The following SEMA4A variants were observed in gnomAD, a reference collection of about 807,000 sequenced individuals.
SEMA4A encodes semaphorin 4A.
A neutral mutation model predicts 72.5 loss-of-function variants in SEMA4A; 52 were observed. That is an observed-to-expected ratio of 0.72 (90% confidence interval 0.57 to 0.90). The LOEUF is 0.90. Among genes scored for constraint, SEMA4A ranks in the 40% least tolerant of loss-of-function variants. The pLI is 0.00. For missense variants in SEMA4A, 926 were observed against 959.7 expected, an observed-to-expected ratio of 0.96 and a Z score of 0.46; for synonymous variants, 369 against 393.1, an observed-to-expected ratio of 0.94 and a Z score of 0.73.
rs1372177916 is a variant in SEMA4A at position 156,175,584 on chromosome 1, G to C, written c.1621G>C (p.Gly541Arg). ...CTCCTGGAAGCAGGACATGGAGCGGGGGAACCCAGAGTGGGCATGTGCCAG... is the reference window on the plus strand; with the variant it reads ...CTCCTGGAAGCAGGACATGGAGCGGCGGAACCCAGAGTGGGCATGTGCCAG... ...LNSWKQDMER[G>R]NPEWACASGP... Residue 541 changes from glycine to arginine, a missense_variant, in exon 14 of 15, where the codon GGG (glycine) becomes CGG (arginine). Physicochemically the swap from Gly to Arg is moderately radical, Grantham distance 125 (BLOSUM62 -2). Transcript: ENST00000368285. 1 of 1,613,584 alleles carries C rather than the reference G, an allele frequency of 6.2e-7. No homozygotes were observed. Among genetic ancestry groups the C allele is most frequent in the Non-Finnish European group, 8.5e-7 (1 of 1,179,840 alleles).
chr1:156,176,324 C>T, intron 14 of SEMA4A, 81 bp from the exon 15 acceptor site: 1 of 1,097,718 alleles, frequency 9.1e-7, no homozygotes, highest in Non-Finnish European at 1.3e-6. Flanking sequence ...GGGCTGGGGT[C>T]CAAAGATAGG....
At position 156,157,632 on chromosome 1, in the gene SEMA4A, G is replaced by C. The variant is rs1653163448; in HGVS notation, c.301-438G>C. Among the ~76,000 whole-genome samples, 1 of 152,194 alleles carries C rather than the reference G, an allele frequency of 6.6e-6. No individual in the cohort carries two copies. The highest frequency in any genetic ancestry group is 2.4e-5 in the African/African-American group (1 of 41,442). ...GACCACCTGCACATATGAGATGCTGGTTAAAAATGCAGATTCTCTAAGGCG... is the reference window on the plus strand; with the variant it reads ...GACCACCTGCACATATGAGATGCTGCTTAAAAATGCAGATTCTCTAAGGCG... On this transcript the variant is annotated intron_variant, in intron 3 of 14. Coordinates refer to ENST00000368285, the MANE Select transcript of SEMA4A (RefSeq NM_022367.4). This position sits in a 1 kb window ranked among gnomAD's most constrained non-coding sequence, Gnocchi z 4.5.
At chr1:156,150,280 G>A (rs763854018), upstream of SEMA4A, 6 of 152,804 alleles carry the variant, frequency 3.9e-5, no homozygotes, top group Non-Finnish European at 8.8e-5. Flanking sequence ...GGTTAGGAGG[G>A]ACTGAGCTGG....
At chr1:156,162,443 G>C (rs533225724) in intron 9 of SEMA4A, among the ~76,000 whole-genome samples, 15 of 152,300 alleles carry the variant, frequency 9.8e-5, no homozygotes, top group African/African-American at 3.4e-4. Context: ...TTGAGAGCCT[G>C]GTGTATACAG....
In SEMA4A at chr1:156,161,040, T is replaced by C. The variant is rs774800366; in HGVS notation, c.810+11T>C. The C allele has an allele frequency of 9.2e-6, 9 of 976,988 alleles. No homozygotes were observed. Among genetic ancestry groups the C allele is most frequent in the Non-Finnish European group, 1.3e-5 (9 of 671,694 alleles). 60.5% of individuals were successfully genotyped at this position (976,988 alleles called of 1,614,324 possible). A position where few individuals can be genotyped will look rare whatever the true frequency, so the allele number is the denominator to read the frequency against. ...GCTAGAGTCTGCAAGGTCCGCGGCCTGGGCGGGGGGCGGGGCTAACTGGAG... is the reference window on the plus strand; with the variant it reads ...GCTAGAGTCTGCAAGGTCCGCGGCCCGGGCGGGGGGCGGGGCTAACTGGAG... On this transcript the variant is annotated intron_variant, in intron 8 of 14. Coordinates refer to ENST00000368285, the MANE Select transcript of SEMA4A (RefSeq NM_022367.4).
chr1:156,174,067 T>C (rs1020241063), intron 11 of SEMA4A, among the ~76,000 whole-genome samples: 1 of 151,786 alleles, frequency 6.6e-6, no homozygotes, highest in African/African-American at 2.4e-5. Context: ...GCCAAAATTG[T>C]GCCACTGCCC....
chr1:156,166,176 G>A (rs978891284), intron 10 of SEMA4A, among the ~76,000 whole-genome samples: 2 of 151,970 alleles, frequency 1.3e-5, no homozygotes, highest in Non-Finnish European at 2.9e-5. Flanking sequence ...CAAAGTGCTG[G>A]GATTACAGGT....
intron 14 of SEMA4A, 108 bp from the exon 15 acceptor site, chr1:156,176,297 A>T (rs80168763): frequency 6.0e-6 from 2 of 331,774 alleles, no homozygotes; most frequent in Non-Finnish European, 9.6e-6. Flanking sequence ...ACCTGCCTCA[A>T]AAAAAAAAAA....
At position 156,156,312 on chromosome 1, in the gene SEMA4A, A is replaced by G. The variant is rs552503839; in HGVS notation, c.140-102A>G. 5.6e-5 allele frequency: 61 copies of G among 1,083,334 alleles called. No homozygotes were observed. The African/African-American group carries it at 9.1e-4, about 16-fold the overall frequency. The allele number at this position is 1,083,334 out of a possible 1,614,324, so 67.1% of individuals were successfully genotyped here. A position where few individuals can be genotyped will look rare whatever the true frequency, so the allele number is the denominator to read the frequency against. ...TGCATCTAGCTGCCAAGGCCTGGGG[A>G]GCACACTCAGGCAACCCTTCCCCTT... is the stretch of plus-strand genomic sequence containing the variant. On this transcript the variant is annotated intron_variant, in intron 2 of 14. Coordinates refer to ENST00000368285, the MANE Select transcript of SEMA4A (RefSeq NM_022367.4).
chr1:156,158,473 C>T lies in SEMA4A; in HGVS notation c.449C>T (p.Ala150Val). 6.2e-7 allele frequency: 1 copy of T among 1,612,672 alleles called. No homozygotes were observed. The highest frequency in any genetic ancestry group is 1.1e-5 in the South Asian group (1 of 91,054). The change falls in exon 5 of 15, where the codon GCT (alanine) becomes GTT (valine). Residue 150 changes from alanine to valine, a missense_variant. By Grantham distance (64) the Ala-to-Val change is moderately conservative (BLOSUM62 0). Transcript: ENST00000368285. ...YTCGTFAFSP[A>V]CTFIELQDSY... Reference sequence around the variant, plus strand: ...TGCGGCACCTTCGCCTTCAGCCCTGCTTGTACCTTCATTGTGAGTTCTCTG... The same window carrying T: ...TGCGGCACCTTCGCCTTCAGCCCTGTTTGTACCTTCATTGTGAGTTCTCTG...
chr1:156,176,253 G>T, intron 14 of SEMA4A, 152 bp from the exon 15 acceptor site: 1 of 648,602 alleles, frequency 1.5e-6, no homozygotes, highest in Non-Finnish European at 2.7e-6. Flanking sequence ...CTGAGGTTGT[G>T]CCACTGCACT....
chr1:156,151,299 C>T (rs4661033), upstream of SEMA4A, among the ~76,000 whole-genome samples: 44,878 of 152,168 alleles, frequency 0.29, 7,181 homozygotes, highest in Middle Eastern at 0.43. Context: ...CTCGTGCCCA[C>T]GAAGCCAGCA....
Position 156,171,663 on chromosome 1 carries a change from G to A in SEMA4A, c.1135-1163G>A, listed in dbSNP as rs1177964949. 6.6e-5 allele frequency among the ~76,000 whole-genome samples: 10 copies of A among 152,176 alleles called. No individual in the cohort carries two copies. The East Asian group carries it at 1.9e-3, about 29-fold the overall frequency. ...ACAATCTTGGGTCACTGCAACCTCC[G>A]CCTCCCATGTTCAAGTGATTCTCCT... is the stretch of plus-strand genomic sequence containing the variant. On this transcript the variant is annotated intron_variant, in intron 10 of 14. Coordinates refer to ENST00000368285, the MANE Select transcript of SEMA4A (RefSeq NM_022367.4).
At chr1:156,152,489 AG>A (rs1201762362), upstream of SEMA4A, among the ~76,000 whole-genome samples, 2 of 152,164 alleles carry the variant, frequency 1.3e-5, no homozygotes, top group African/African-American at 2.4e-5. Context: ...CACAGAAGGT[AG>A]GGTCTGGATA....
chr1:156,173,408 G>A (rs1186676432), intron 11 of SEMA4A, among the ~76,000 whole-genome samples: 2 of 152,142 alleles, frequency 1.3e-5, no homozygotes, highest in Admixed American at 6.5e-5. Flanking sequence ...GGAGTGGGGC[G>A]CAGCTGGGGT....
chr1:156,157,613 C>G lies in SEMA4A; in HGVS notation c.301-457C>G, dbSNP rs1051779315. Among the ~76,000 whole-genome samples, 1 of 152,208 alleles carries G rather than the reference C, an allele frequency of 6.6e-6. No individual in the cohort carries two copies. Among genetic ancestry groups the G allele is most frequent in the African/African-American group, 2.4e-5 (1 of 41,452 alleles). Reference sequence around the variant, plus strand: ...TCCTGATGTGTAGTCTGCTGACCACCTGCACATATGAGATGCTGGTTAAAA... The same window carrying G: ...TCCTGATGTGTAGTCTGCTGACCACGTGCACATATGAGATGCTGGTTAAAA... On this transcript the variant is annotated intron_variant, in intron 3 of 14. Coordinates refer to ENST00000368285, the MANE Select transcript of SEMA4A (RefSeq NM_022367.4). This position sits in a 1 kb window ranked among gnomAD's most constrained non-coding sequence, Gnocchi z 4.5.
rs745936230 is a variant in SEMA4A, at chr1:156,158,132, G to A, written c.363G>A (p.Glu121=). The change falls in exon 4 of 15, where the codon GAG becomes GAA. Residue 121 remains glutamate (E), a splice_region_variant and synonymous_variant. Transcript: ENST00000368285. ...SECAFKKKSN[E]TQCFNFIRVL... The stretch of plus-strand genomic sequence containing the variant: ...GTGCCTTTAAGAAGAAGAGCAATGA[G>A]GTAAGTGGAGGTGGGGGAGTAGGGG... 1 of 1,614,146 alleles carries A rather than the reference G, an allele frequency of 6.2e-7. No homozygotes were observed. The highest frequency in any genetic ancestry group is 8.5e-7 in the Non-Finnish European group (1 of 1,180,002).
At chr1:156,174,280 C>CAG (rs1655093174) in intron 11 of SEMA4A, among the ~76,000 whole-genome samples, 1 of 152,158 alleles carries the variant, frequency 6.6e-6, no homozygotes, top group Non-Finnish European at 1.5e-5. Flanking sequence ...ATCAGCTGTG[C>CAG]ATGTATTGGG....
Position 156,163,081 on chromosome 1 carries a change from C to T in SEMA4A, c.1121C>T (p.Pro374Leu), listed in dbSNP as rs1326663773. 3.9e-5 allele frequency: 63 copies of T among 1,613,900 alleles called. No individual in the cohort carries two copies. The highest frequency in any genetic ancestry group is 6.7e-5 in the African/African-American group (5 of 74,868). The change falls in exon 10 of 15, where the codon CCC becomes CTC. Residue 374 changes from proline (P) to leucine (L), a missense_variant. By Grantham distance (98) the Pro-to-Leu change is moderately conservative. Transcript: ENST00000368285. ...ACTTATAGGGGCCCTGAGACCAACC[C>T]CCGGCCAGGCAGTGTGAGTACTACC... is the stretch of plus-strand genomic sequence containing the variant. ...WTTYRGPETNPRPGSCSVGPS... is the reference protein window; with the variant it reads ...WTTYRGPETNLRPGSCSVGPS...
Sources: allele counts gnomAD v4.1 joint callset (sites outside exome capture counted in the v4.1 genomes callset), GRCh38; gene constraint gnomAD v4.1.1; non-coding constraint Gnocchi (gnomAD v3.1); transcripts MANE v1.5; gene names NCBI Gene and HGNC (gene_info 2026-07-23, HGNC 2026-07-21).